The following CCDC47 variants were observed in gnomAD, a reference collection of about 807,000 sequenced individuals.
CCDC47 encodes PAT complex subunit CCDC47.
CCDC47 carries 41 observed loss-of-function variants against 60.5 expected under a neutral mutation model. That is an observed-to-expected ratio of 0.68 (90% CI 0.53 to 0.88). CCDC47 has a LOEUF of 0.88. CCDC47 is among the 40% of genes least tolerant of loss of function. CCDC47 has a pLI of 0.00. For missense variants in CCDC47, 513 were observed against 580.9 expected, an observed-to-expected ratio of 0.88 and a Z score of 1.20; for synonymous variants, 195 against 190.7, an observed-to-expected ratio of 1.02 and a Z score of -0.18.
intron 12 of CCDC47, among the ~76,000 whole-genome samples, chr17:63,748,395 G>A (rs1190346955): frequency 6.6e-6 from 1 of 151,946 alleles, no homozygotes; most frequent in African/African-American, 2.4e-5. Context: ...TTATAGGCAT[G>A]AGCCACCGCG....
intron 11 of CCDC47, 68 bp from the exon 12 acceptor site, chr17:63,752,175 G>T (rs2039171967): frequency 2.6e-6 from 4 of 1,567,550 alleles, no homozygotes; most frequent in Admixed American, 1.8e-5. Flanking sequence ...ATCCCGTTTA[G>T]CATTCTTTCA....
At chr17:63,759,847 C>T (rs11651075) in intron 6 of CCDC47, among the ~76,000 whole-genome samples, 42,130 of 150,682 alleles carry the variant, frequency 0.28, 6,252 homozygotes, top group Middle Eastern at 0.37. Context: ...GGGCGGATCA[C>T]GAGGTCAGGA....
intron 12 of CCDC47, among the ~76,000 whole-genome samples, chr17:63,749,305 A>C (rs1362883862): frequency 6.6e-6 from 1 of 152,050 alleles, no homozygotes; most frequent in Non-Finnish European, 1.5e-5. Context: ...CTGAGGCAGG[A>C]GAATCGCTTG....
intron 4 of CCDC47, among the ~76,000 whole-genome samples, chr17:63,762,776 A>T (rs986987030): frequency 2.0e-5 from 3 of 152,250 alleles, no homozygotes; most frequent in Non-Finnish European, 4.4e-5. Flanking sequence ...GAGAGCATTT[A>T]TCAAGCTACC....
Position 63,765,903 on chromosome 17 carries a change from G to A in CCDC47, c.264+9C>T. The A allele has an allele frequency of 6.3e-7, 1 of 1,594,164 alleles. No homozygotes were observed. The highest frequency in any genetic ancestry group is 8.5e-7 in the Non-Finnish European group (1 of 1,172,164). On this transcript the variant is annotated intron_variant, in intron 2 of 12. Coordinates refer to ENST00000225726, the MANE Select transcript of CCDC47 (RefSeq NM_020198.3). ...AATTTTTCCAATAAATTAATAAAAA[G>A]AGCCTCACCTGGGTATCTGCATCTT...
At chr17:63,753,806 TAA>T in intron 9 of CCDC47, 1 of 172,334 alleles carries the variant, frequency 5.8e-6, no homozygotes, top group Non-Finnish European at 1.1e-5. Flanking sequence ...ATTATTATCA[TAA>T]AAAAAAAGAA....
In CCDC47 at chr17:63,756,513, T is replaced by C. The variant is rs1360677554; in HGVS notation, c.793A>G (p.Thr265Ala). The C allele has an allele frequency of 6.2e-7, 1 of 1,614,150 alleles. No homozygotes were observed. The highest frequency in any genetic ancestry group is 1.3e-5 in the African/African-American group (1 of 75,056). ...TGTAGTCGCACCAAGGCTTTCCGTG[T>C]GCCAACAGCAAATACGTAGGTATCC... Reference protein sequence around the residue: ...DMDTYVFAVGTRKALVRLQKE... With the variant: ...DMDTYVFAVGARKALVRLQKE... The change falls in exon 7 of 13, where the codon ACA becomes GCA. Residue 265 changes from threonine (T) to alanine (A), a missense_variant. Coordinates refer to ENST00000225726, the MANE Select transcript of CCDC47 (RefSeq NM_020198.3).
chr17:63,751,481 C>T (rs779181354), intron 12 of CCDC47, among the ~76,000 whole-genome samples: 2 of 149,258 alleles, frequency 1.3e-5, no homozygotes, highest in Non-Finnish European at 3.0e-5. Context: ...CATACTATAC[C>T]CAAAAAGCTT....
chr17:63,759,523 ATATT>A lies in CCDC47; in HGVS notation c.735+1387_735+1390del, dbSNP rs1428066808. On this transcript the variant is annotated intron_variant, in intron 6 of 12. Transcript: ENST00000225726. ...AAAAAAAAAAAATATATATATATAT[ATATT>A]TATATATATATATATATATATATAT... is the stretch of plus-strand genomic sequence containing the variant. 8.7e-4 allele frequency among the ~76,000 whole-genome samples: 10 copies of A among 11,508 alleles called. 1 individual carries two copies. The highest frequency in any genetic ancestry group is 2.8e-3 in the African/African-American group (4 of 1,424). The allele number at this position is 11,508 out of a possible 152,430, so 7.5% of individuals were successfully genotyped here.
chr17:63,748,690 G>A (rs1460226449), intron 12 of CCDC47, among the ~76,000 whole-genome samples: 1 of 152,134 alleles, frequency 6.6e-6, no homozygotes, highest in African/African-American at 2.4e-5. Flanking sequence ...CGGGCGCAGT[G>A]GCTGAGGCTG....
At chr17:63,765,720 TAGA>T (rs1423566623) in intron 2 of CCDC47, 189 bp downstream of exon 2, 4 of 1,394,408 alleles carry the variant, frequency 2.9e-6, no homozygotes, top group Non-Finnish European at 3.7e-6. Flanking sequence ...AGGGTTTCAA[TAGA>T]AGAACACAAT....
At chr17:63,761,695 TC>T in intron 4 of CCDC47, 1 of 187,720 alleles carries the variant, frequency 5.3e-6, no homozygotes, top group Non-Finnish European at 6.9e-6. Flanking sequence ...AGACTCTGTC[TC>T]AAAAAAAAAA....
chr17:63,751,916 ACCC>A, intron 12 of CCDC47, 21 bp downstream of exon 12: 2 of 1,612,880 alleles, frequency 1.2e-6, no homozygotes, highest in Non-Finnish European at 1.7e-6. Flanking sequence ...TCGTAGTTTT[ACCC>A]CAGTGATAAG....
intron 12 of CCDC47, chr17:63,747,479 A>C (rs1021790998): frequency 1.0e-5 from 10 of 976,992 alleles, no homozygotes; most frequent in Non-Finnish European, 1.2e-5. Context: ...ATATTTATCA[A>C]ATGTGATAAA....
Position 63,766,463 on chromosome 17 carries a change from G to A in CCDC47, c.-19-269C>T, listed in dbSNP as rs186565713. ...TTTGAGACGGAGTTTTGCTCTTGTC[G>A]CCCAGGTTGGAGCACAATGGTGTGA... On this transcript the variant is annotated intron_variant, in intron 1 of 12. Coordinates refer to ENST00000225726, the MANE Select transcript of CCDC47 (RefSeq NM_020198.3). Among the ~76,000 whole-genome samples, 26 of 151,920 alleles carry A rather than the reference G, an allele frequency of 1.7e-4. No individual in the cohort carries two copies. In the East Asian group the frequency reaches 2.9e-3, roughly 17 times the overall value.
In CCDC47 at chr17:63,756,575, T is replaced by A. The variant is rs765805785; in HGVS notation, c.736-5A>T. ...ATTCATGGTTACTTTTATTTGCTTTTAAAAAAATGTAAAAAACAACAAAAT... is the reference window on the plus strand; with the variant it reads ...ATTCATGGTTACTTTTATTTGCTTTAAAAAAAATGTAAAAAACAACAAAAT... On this transcript the variant is annotated splice_polypyrimidine_tract_variant and splice_region_variant and intron_variant, in intron 6 of 12. Transcript: ENST00000225726. 10 of 1,596,626 alleles carry A rather than the reference T, an allele frequency of 6.3e-6. No homozygotes were observed. In the South Asian group the frequency reaches 7.8e-5, roughly 12 times the overall value.
At position 63,765,816 on chromosome 17, in the gene CCDC47, G is replaced by C; in HGVS notation, c.264+96C>G. On this transcript the variant is annotated intron_variant, in intron 2 of 12. Coordinates refer to ENST00000225726, the MANE Select transcript of CCDC47 (RefSeq NM_020198.3). ...CTAGTGAATGAAAATGAAGACTCCAGACAGTAAAGGTCTCTTGAGCCTGAG... is the reference window on the plus strand; with the variant it reads ...CTAGTGAATGAAAATGAAGACTCCACACAGTAAAGGTCTCTTGAGCCTGAG... 2.1e-6 allele frequency: 3 copies of C among 1,401,766 alleles called. No individual in the cohort carries two copies. The East Asian group carries it at 6.9e-5, about 32-fold the overall frequency. 86.8% of individuals were successfully genotyped at this position (1,401,766 alleles called of 1,614,324 possible).
At chr17:63,749,158 G>A (rs1033363225) in intron 12 of CCDC47, among the ~76,000 whole-genome samples, 9 of 151,670 alleles carry the variant, frequency 5.9e-5, no homozygotes, top group African/African-American at 1.5e-4. Context: ...TGTAATCCCA[G>A]CACTTTGAGA....
At chr17:63,772,225 G>A (rs2039348637) in intron 1 of CCDC47, among the ~76,000 whole-genome samples, 2 of 149,954 alleles carry the variant, frequency 1.3e-5, no homozygotes, top group Non-Finnish European at 3.0e-5. Context: ...GCTGCAGTGG[G>A]TATTACGGGA....
Sources: gnomAD v4.1 joint callset for allele counts (sites outside exome capture counted in the v4.1 genomes callset) on GRCh38, gnomAD v4.1.1 for gene constraint, MANE v1.5 for transcripts, NCBI Gene and HGNC (gene_info 2026-07-23, HGNC 2026-07-21) for gene names.